ALX3: variants seen among roughly 807,000 people sequenced by gnomAD.
ALX3 encodes the protein ALX homeobox 3, also known as homeobox protein aristaless-like 3.
ALX3 carries 17 observed loss-of-function variants against 26.3 expected under a neutral mutation model. That is an observed-to-expected ratio of 0.65 (90% confidence interval 0.44 to 0.97). ALX3 has a LOEUF of 0.97. Among genes scored for constraint, ALX3 ranks in the 50% least tolerant of loss-of-function variants. The probability of loss-of-function intolerance (pLI) is 0.00; values close to 1 mark genes in which losing one functional copy is unlikely to be tolerated. For synonymous variants in ALX3, 208 were observed against 201.4 expected (o/e 1.03, Z -0.28); for missense variants, 461 against 466.5 (o/e 0.99, Z 0.11).
intron 1 of ALX3, 93 bp downstream of exon 1, chr1:110,070,243 G>T: frequency 8.1e-7 from 1 of 1,234,466 alleles, no homozygotes; most frequent in Non-Finnish European, 1.0e-6. Context: ...AAATAGGCGA[G>T]CGGGAGAGAT....
Position 110,061,485 on chromosome 1 carries a change from T to A in ALX3, c.673A>T (p.Thr225Ser). The A allele has an allele frequency of 6.2e-7, 1 of 1,614,188 alleles. No homozygotes were observed. The highest frequency in any genetic ancestry group is 8.5e-7 in the Non-Finnish European group (1 of 1,180,030). The change falls in exon 3 of 4, where the codon ACG becomes TCG. Residue 225 changes from threonine to serine, a missense_variant. Transcript: ENST00000647563. ...GKIQEGRNPF[T>S]AAYDISVLPR... ...AGCACAGAGATGTCATAGGCAGCCGTGAAGGGGTTCCGCCCCTCCTGGATC... is the reference window on the plus strand; with the variant it reads ...AGCACAGAGATGTCATAGGCAGCCGAGAAGGGGTTCCGCCCCTCCTGGATC...
In ALX3 at chr1:110,070,443, A is replaced by C; in HGVS notation, c.170T>G (p.Leu57Arg). ...RLTRFPACGP[L>R]EPYLPEPAKP... ...GGCCGGCTCTGGGAGGTAGGGCTCC[A>C]GGGGCCCGCAGGCCGGAAAGCGGGT... Residue 57 changes from leucine to arginine, a missense_variant, in exon 1 of 4, where the codon CTG becomes CGG. By Grantham distance (102) the Leu-to-Arg change is moderately radical. Coordinates refer to ENST00000647563, the MANE Select transcript of ALX3 (RefSeq NM_006492.3). 1 of 1,257,644 alleles carries C rather than the reference A, an allele frequency of 8.0e-7. No homozygotes were observed. The highest frequency in any genetic ancestry group is 1.0e-6 in the Non-Finnish European group (1 of 1,002,542). 77.9% of individuals were successfully genotyped at this position (1,257,644 alleles called of 1,614,324 possible).
chr1:110,061,253 C>T lies in ALX3; in HGVS notation c.723+182G>A, dbSNP rs1387708861. 8.7e-6 allele frequency: 10 copies of T among 1,145,180 alleles called. No homozygotes were observed. In the East Asian group the frequency reaches 1.0e-4, roughly 12 times the overall value. 70.9% of individuals were successfully genotyped at this position (1,145,180 alleles called of 1,614,324 possible). ...AAAACGAAATTTTCTTCTGTGATTC[C>T]TTTGTGTTCCGCATGCGTCATTCAT... On this transcript the variant is annotated intron_variant, in intron 3 of 3. Transcript: ENST00000647563.
At chr1:110,065,133 C>T (rs777051339) in intron 1 of ALX3, among the ~76,000 whole-genome samples, 4 of 152,110 alleles carry the variant, frequency 2.6e-5, no homozygotes, top group Non-Finnish European at 4.4e-5. Context: ...GTGGTCTGGG[C>T]GGATCTGCTG....
At chr1:110,061,347 T>G in intron 3 of ALX3, 88 bp downstream of exon 3, 1 of 1,598,396 alleles carries the variant, frequency 6.3e-7, no homozygotes, top group Non-Finnish European at 8.6e-7. Flanking sequence ...TACAGAACGC[T>G]GACGCTCTCC....
rs1653587970 is a variant in ALX3 at position 110,059,954 on chromosome 1, AAAC to A, written c.*776_*778del. 6.6e-6 allele frequency: 1 copy of A among 151,960 alleles called. No homozygotes were observed. The highest frequency in any genetic ancestry group is 2.4e-5 in the African/African-American group (1 of 41,358). The allele number at this position is 151,960 out of a possible 1,614,324, so 9.4% of individuals were successfully genotyped here. A position where few individuals can be genotyped will look rare whatever the true frequency, so the allele number is the denominator to read the frequency against. Reference sequence around the variant, plus strand: ...CCTTTTTTTTTTTTTTAAACAAAAAAAACACAAAAGTGTCTGTACAAAAATGGG... The same window carrying A: ...CCTTTTTTTTTTTTTTAAACAAAAAAACAAAAGTGTCTGTACAAAAATGGG... On this transcript the variant is annotated 3_prime_UTR_variant, in exon 4 of 4. Transcript: ENST00000647563.
chr1:110,064,870 G>A lies in ALX3; in HGVS notation c.311C>T (p.Pro104Leu). Residue 104 changes from proline (P) to leucine (L), a missense_variant, in exon 2 of 4, where the codon CCC becomes CTC. Pro to Leu is a moderately conservative substitution (Grantham distance 98, BLOSUM62 -3). This residue lies in a region of ALX3 where 241 missense variants were observed against 206.1 expected (regional missense o/e 1.17). Transcript: ENST00000647563. ...EEKTSKAASFPQLPLDCRGGP... is the reference protein window; with the variant it reads ...EEKTSKAASFLQLPLDCRGGP... ...CCCTCGGCAGTCCAAGGGCAGCTGG[G>A]GGAAGCTGGCAGCTTTGGAGGTCTT... The A allele has an allele frequency of 6.2e-7, 1 of 1,610,652 alleles. No individual in the cohort carries two copies. The highest frequency in any genetic ancestry group is 8.5e-7 in the Non-Finnish European group (1 of 1,178,286).
intron 2 of ALX3, among the ~76,000 whole-genome samples, chr1:110,062,905 A>G (rs1405922886): frequency 1.3e-5 from 2 of 152,120 alleles, no homozygotes; most frequent in South Asian, 2.1e-4. Flanking sequence ...GAATCTGGCT[A>G]TTGGAACTCA....
intron 1 of ALX3, among the ~76,000 whole-genome samples, chr1:110,067,852 C>G (rs1653825820): frequency 6.6e-6 from 1 of 152,234 alleles, no homozygotes; most frequent in Non-Finnish European, 1.5e-5. Flanking sequence ...TGGGGGTTCT[C>G]AGCGTTGGCC....
At chr1:110,068,803 G>C (rs1414654142) in intron 1 of ALX3, among the ~76,000 whole-genome samples, 1 of 151,942 alleles carries the variant, frequency 6.6e-6, no homozygotes, top group Non-Finnish European at 1.5e-5. Flanking sequence ...CCCTTTTCTT[G>C]GTTGTCGCTC....
chr1:110,062,646 G>GTGTGTGTGTGTGTGTGTGTGTC lies in ALX3; in HGVS notation c.595-1084_595-1083insGACACACACACACACACACACA. The stretch of plus-strand genomic sequence containing the variant: ...GTGTGTGTGTGTGTGTGTGTGTGTG[G>GTGTGTGTGTGTGTGTGTGTGTC]AGTAATCCGTCTACCCCAGCTGGGA... On this transcript the variant is annotated intron_variant, in intron 2 of 3. Coordinates refer to ENST00000647563, the MANE Select transcript of ALX3 (RefSeq NM_006492.3). 5.9e-4 allele frequency: 74 copies of GTGTGTGTGTGTGTGTGTGTGTC among 126,340 alleles called. 2 individuals are homozygous for GTGTGTGTGTGTGTGTGTGTGTC. The highest frequency in any genetic ancestry group is 1.7e-3 in the African/African-American group (59 of 35,348). The allele number at this position is 126,340 out of a possible 1,614,324, so 7.8% of individuals were successfully genotyped here.
chr1:110,061,711 C>T (rs1653651687), intron 2 of ALX3, 148 bp from the exon 3 acceptor site: 2 of 1,283,530 alleles, frequency 1.6e-6, no homozygotes, highest in Non-Finnish European at 2.1e-6. Flanking sequence ...ACACTGTTCT[C>T]CAGGCCAGGG....
At position 110,064,772 on chromosome 1, in the gene ALX3, A is replaced by C. The variant is rs907064240; in HGVS notation, c.409T>G (p.Ser137Ala). The C allele has an allele frequency of 2.5e-6, 4 of 1,614,000 alleles. No homozygotes were observed. The highest frequency in any genetic ancestry group is 3.4e-6 in the Non-Finnish European group (4 of 1,180,034). ...TCCATGGAGTCAGGGAGTCCCGGGG[A>C]AAGAGGAAGATGCAGGCTGGCCAGG... ...PCLASLHLPL[S>A]PGLPDSMELA... The change falls in exon 2 of 4, where the codon TCC becomes GCC. Residue 137 changes from serine (S) to alanine (A), a missense_variant. By Grantham distance (99) the Ser-to-Ala change is moderately conservative. Transcript: ENST00000647563.
chr1:110,061,052 A>AG lies in ALX3; in HGVS notation c.724-12dup. The stretch of plus-strand genomic sequence containing the variant: ...CAGGGAGTTCTGCAGCTGAAAAGAG[A>AG]GGGAAAGAAGGCCCATGAGCCTGTA... On this transcript the variant is annotated splice_polypyrimidine_tract_variant and intron_variant, in intron 3 of 3. Transcript: ENST00000647563. 6.3e-7 allele frequency: 1 copy of AG among 1,599,216 alleles called. No individual in the cohort carries two copies. The highest frequency in any genetic ancestry group is 8.5e-7 in the Non-Finnish European group (1 of 1,173,836).
chr1:110,061,648 C>T (rs1653650251), intron 2 of ALX3, 85 bp from the exon 3 acceptor site: 3 of 1,574,768 alleles, frequency 1.9e-6, no homozygotes, highest in Admixed American at 3.4e-5. Flanking sequence ...TGGTTGTGTC[C>T]TCTTGTGGGA....
chr1:110,063,797 G>A (rs1653712388), intron 2 of ALX3, among the ~76,000 whole-genome samples: 1 of 151,748 alleles, frequency 6.6e-6, no homozygotes. Flanking sequence ...GACTCTTACT[G>A]AAACTCCTTC....
At chr1:110,067,903 C>T (rs1472438294) in intron 1 of ALX3, among the ~76,000 whole-genome samples, 1 of 141,852 alleles carries the variant, frequency 7.0e-6, no homozygotes, top group Non-Finnish European at 1.5e-5. Context: ...GGACTCTCCT[C>T]GACTTTGGCG....
At chr1:110,062,045 GAGCAT>G (rs1181345629) in intron 2 of ALX3, 1 of 162,742 alleles carries the variant, frequency 6.1e-6, no homozygotes, top group Non-Finnish European at 1.3e-5. Flanking sequence ...CCTTGGTCCA[GAGCAT>G]AGCTTCTTAA....
chr1:110,063,104 T>C (rs1220988967), intron 2 of ALX3, among the ~76,000 whole-genome samples: 1 of 152,172 alleles, frequency 6.6e-6, no homozygotes, highest in Non-Finnish European at 1.5e-5. Flanking sequence ...TTCAGGAAGC[T>C]TCTAGACTAG....
Sources: allele counts gnomAD v4.1 joint callset (sites outside exome capture counted in the v4.1 genomes callset), GRCh38; gene constraint gnomAD v4.1.1; regional missense constraint gnomAD v4.1.1; transcripts MANE v1.5; gene names NCBI Gene and HGNC (gene_info 2026-07-23, HGNC 2026-07-21).